Variants in ANKS1A observed in about 807,000 individuals in gnomAD.
The protein encoded by ANKS1A is ankyrin repeat and SAM domain-containing protein 1A.
In ANKS1A, 55 loss-of-function variants were observed where a neutral mutation model predicts 120.3. The observed-to-expected ratio is 0.46, with a 90% CI of 0.37 to 0.57. The LOEUF is 0.57. ANKS1A is among the 20% of genes least tolerant of loss of function. The probability of loss-of-function intolerance (pLI) is 0.00; values close to 1 mark genes in which losing one functional copy is unlikely to be tolerated. For missense variants in ANKS1A, 1,123 were observed against 1,480.3 expected, an observed-to-expected ratio of 0.76 and a Z score of 3.96; for synonymous variants, 590 against 604.7, an observed-to-expected ratio of 0.98 and a Z score of 0.36.
Position 35,083,479 on chromosome 6 carries a change from C to T in ANKS1A, c.2970C>T (p.Val990=). The T allele has an allele frequency of 2.5e-6, 4 of 1,614,110 alleles. No homozygotes were observed. The highest frequency in any genetic ancestry group is 3.4e-6 in the Non-Finnish European group (4 of 1,179,992). Residue 990 remains valine (V), a synonymous_variant, in exon 20 of 24, where the codon GTC becomes GTT. Transcript: ENST00000360359. ...TIILSITYKG[V]KFIDASNKNV... is the part of the protein sequence containing the mutation. ...TCCTGTCCATCACATACAAAGGTGT[C>T]AAGTTCATCGATGCCTCCAACAAGG...
intron 1 of ANKS1A, among the ~76,000 whole-genome samples, chr6:34,933,067 A>G (rs1258498481): frequency 6.6e-6 from 1 of 152,154 alleles, no homozygotes; most frequent in Non-Finnish European, 1.5e-5. Context: ...CCTCATGACT[A>G]TTACTATTGA....
At chr6:35,045,886 A>T (rs1415698245) in intron 11 of ANKS1A, among the ~76,000 whole-genome samples, 1 of 152,144 alleles carries the variant, frequency 6.6e-6, no homozygotes, top group African/African-American at 2.4e-5. Context: ...CACATTGTTG[A>T]ACAAAAGTGC....
chr6:35,000,216 G>A (rs1773088055), intron 10 of ANKS1A, among the ~76,000 whole-genome samples: 1 of 150,812 alleles, frequency 6.6e-6, no homozygotes, highest in Admixed American at 6.6e-5. Context: ...TGGCCCAGAT[G>A]CATTCAATCT....
At chr6:34,961,304 TTGGGTGGAGGGGGATGTTACTACCATCC>T (rs1314768239) in intron 1 of ANKS1A, among the ~76,000 whole-genome samples, 1 of 152,074 alleles carries the variant, frequency 6.6e-6, no homozygotes, top group Non-Finnish European at 1.5e-5. Context: ...AGGAAGAAAC[TTGGGTGGAGGGGGATGTTACTACCATCC>T]TGTCTGAAGC....
At chr6:35,034,026 A>G (rs760377922) in intron 11 of ANKS1A, among the ~76,000 whole-genome samples, 11 of 152,164 alleles carry the variant, frequency 7.2e-5, no homozygotes, top group Non-Finnish European at 1.3e-4. Flanking sequence ...CAACTGCTCT[A>G]TGTGGCATTA....
chr6:34,920,444 C>T (rs7757211), intron 1 of ANKS1A, among the ~76,000 whole-genome samples: 46,357 of 151,966 alleles, frequency 0.31, 9,867 homozygotes, highest in East Asian at 0.58. Flanking sequence ...CTCAAACTCC[C>T]GGCTTCAAGA....
At chr6:34,971,720 T>C (rs754047594) in intron 3 of ANKS1A, among the ~76,000 whole-genome samples, 10 of 152,310 alleles carry the variant, frequency 6.6e-5, no homozygotes, top group Non-Finnish European at 1.3e-4. Flanking sequence ...CAGTTAGCTG[T>C]TAAAAGCATG....
chr6:34,906,002 T>TA (rs1467270731), intron 1 of ANKS1A, among the ~76,000 whole-genome samples: 12 of 152,154 alleles, frequency 7.9e-5, no homozygotes, highest in Admixed American at 2.0e-4. Context: ...TTTTCTCTCT[T>TA]AGAGTGCATA....
At chr6:34,948,972 A>G (rs1769935675) in intron 1 of ANKS1A, among the ~76,000 whole-genome samples, 1 of 152,204 alleles carries the variant, frequency 6.6e-6, no homozygotes, top group East Asian at 1.9e-4. Flanking sequence ...CTTGGTTCCA[A>G]TCTGGCTCAG....
chr6:35,086,384 G>C lies in ANKS1A; in HGVS notation c.3303+448G>C. ...TGGAGTCAAGGTCTTTACGCCTCCTGCTGTCTTGTGTGTCAGTCTCCCCGA... is the reference window on the plus strand; with the variant it reads ...TGGAGTCAAGGTCTTTACGCCTCCTCCTGTCTTGTGTGTCAGTCTCCCCGA... On this transcript the variant is annotated intron_variant, in intron 22 of 23. Transcript: ENST00000360359. The surrounding 1 kb of genome is among the most constrained non-coding windows in gnomAD (Gnocchi z 5.1). 7.7e-7 allele frequency: 1 copy of C among 1,292,470 alleles called. No individual in the cohort carries two copies. Among genetic ancestry groups the C allele is most frequent in the Non-Finnish European group, 1.0e-6 (1 of 990,288 alleles). The allele number at this position is 1,292,470 out of a possible 1,614,324, so 80.1% of individuals were successfully genotyped here.
Position 34,889,437 on chromosome 6 carries a change from G to T in ANKS1A, c.35G>T (p.Arg12Leu), listed in dbSNP as rs1381222622. The change falls in exon 1 of 24, where the codon CGC (arginine) becomes CTC (leucine). Residue 12 changes from arginine (R) to leucine (L), a missense_variant. By Grantham distance (102) the Arg-to-Leu change is moderately radical. Transcript: ENST00000360359. The surrounding 1 kb of genome is among the most constrained non-coding windows in gnomAD (Gnocchi z 5.5). Reference protein sequence around the residue: ...GKEQELLEAARTGHLPAVEKL... With the variant: ...GKEQELLEAALTGHLPAVEKL... ...GAGCAGGAGCTGCTGGAGGCGGCCC[G>T]CACCGGGCACCTCCCGGCGGTGGAG... 1 of 1,286,418 alleles carries T rather than the reference G, an allele frequency of 7.8e-7. No homozygotes were observed. Among genetic ancestry groups the T allele is most frequent in the Non-Finnish European group, 9.8e-7 (1 of 1,020,236 alleles). The allele number at this position is 1,286,418 out of a possible 1,614,324, so 79.7% of individuals were successfully genotyped here. A position where few individuals can be genotyped will look rare whatever the true frequency, so the allele number is the denominator to read the frequency against.
At chr6:34,989,119 C>G in intron 8 of ANKS1A, 105 bp from the exon 9 acceptor site, 3 of 961,984 alleles carry the variant, frequency 3.1e-6, no homozygotes, top group Admixed American at 2.5e-5. Flanking sequence ...CAGGGGAGTT[C>G]CATACATTAT....
intron 1 of ANKS1A, among the ~76,000 whole-genome samples, chr6:34,962,946 C>G (rs1209045968): frequency 1.3e-5 from 2 of 151,266 alleles, no homozygotes; most frequent in Non-Finnish European, 2.9e-5. Flanking sequence ...ACTGCAACCT[C>G]TGCCTCCCAG....
rs1766705697 is a variant in ANKS1A at position 34,889,739 on chromosome 6, C to T, written c.197+140C>T. 8.0e-6 allele frequency: 9 copies of T among 1,120,990 alleles called. No individual in the cohort carries two copies. Among genetic ancestry groups the T allele is most frequent in the Non-Finnish European group, 9.9e-6 (9 of 907,500 alleles). The allele number at this position is 1,120,990 out of a possible 1,614,324, so 69.4% of individuals were successfully genotyped here. On this transcript the variant is annotated intron_variant, in intron 1 of 23. Coordinates refer to ENST00000360359, the MANE Select transcript of ANKS1A (RefSeq NM_015245.3). The surrounding 1 kb of genome is among the most constrained non-coding windows in gnomAD (Gnocchi z 5.5). ...TGCCCGGGGCGAGGCAGGCGGCCCG[C>T]GGGCCAGGGTACCGGAGGGCGCGCA... is the stretch of plus-strand genomic sequence containing the variant.
chr6:35,072,554 G>T (rs1165411580), intron 13 of ANKS1A, among the ~76,000 whole-genome samples: 1 of 152,232 alleles, frequency 6.6e-6, no homozygotes, highest in Non-Finnish European at 1.5e-5. Flanking sequence ...AGTCAGGCTG[G>T]CCCTTGGCAC....
intron 13 of ANKS1A, among the ~76,000 whole-genome samples, chr6:35,076,029 T>A (rs1366835828): frequency 1.3e-5 from 2 of 152,174 alleles, no homozygotes; most frequent in Non-Finnish European, 2.9e-5. Context: ...CCTCCAAAAG[T>A]GTTGGGATTA....
rs552034668 is a variant in ANKS1A, at chr6:34,916,120, G to A, written c.197+26521G>A. Among the ~76,000 whole-genome samples the A allele has an allele frequency of 1.1e-4, 17 of 151,272 alleles. No individual in the cohort carries two copies. In the East Asian group the frequency reaches 3.2e-3, roughly 28 times the overall value. On this transcript the variant is annotated intron_variant, in intron 1 of 23. Coordinates refer to ENST00000360359, the MANE Select transcript of ANKS1A (RefSeq NM_015245.3). Reference sequence around the variant, plus strand: ...CAGTTCTTCTGTCTCAGCCTCCCGAGTAGCTGAGACTACAGGTGCATGCCA... The same window carrying A: ...CAGTTCTTCTGTCTCAGCCTCCCGAATAGCTGAGACTACAGGTGCATGCCA...
chr6:35,060,376 C>A lies in ANKS1A; in HGVS notation c.2184+123C>A. 1.3e-6 allele frequency: 1 copy of A among 783,518 alleles called. No homozygotes were observed. The highest frequency in any genetic ancestry group is 2.1e-6 in the Non-Finnish European group (1 of 486,230). The allele number at this position is 783,518 out of a possible 1,614,324, so 48.5% of individuals were successfully genotyped here. On this transcript the variant is annotated intron_variant, in intron 13 of 23. Transcript: ENST00000360359. The surrounding 1 kb of genome is among the most constrained non-coding windows in gnomAD (Gnocchi z 4.5). ...GTAGACCCAAATCCCAGGGAAAGCT[C>A]ACTGAGGTCACTCAGACACCAGGAA...
At chr6:35,013,258 G>A (rs745503186) in intron 10 of ANKS1A, among the ~76,000 whole-genome samples, 2 of 152,104 alleles carry the variant, frequency 1.3e-5, no homozygotes, top group African/African-American at 2.4e-5. Flanking sequence ...CTGTCTTAAA[G>A]CATCTATTGA....
Sources: gnomAD v4.1 joint callset for allele counts (sites outside exome capture counted in the v4.1 genomes callset) on GRCh38, gnomAD v4.1.1 for gene constraint, Gnocchi (gnomAD v3.1) non-coding constraint, MANE v1.5 for transcripts, NCBI Gene and HGNC (gene_info 2026-07-23, HGNC 2026-07-21) for gene names.